The following IFNA21 variants were observed in gnomAD, a reference collection of about 807,000 sequenced individuals.
The protein encoded by IFNA21 is interferon alpha 21.
For synonymous variants in IFNA21, 101 were observed against 82.9 expected (o/e 1.22, Z -1.19); for missense variants, 272 against 212.7 (o/e 1.28, Z -1.73).
rs1226138764 is a variant in IFNA21, at chr9:21,166,172, G to T, written c.441C>A (p.Phe147Leu). The change falls in exon 1 of 1, where the codon TTC becomes TTA. Residue 147 changes from phenylalanine (F) to leucine (L), a missense_variant. Phe to Leu is a conservative substitution (Grantham distance 22, BLOSUM62 0). Coordinates refer to ENST00000380225, the MANE Select transcript of IFNA21 (RefSeq NM_002175.2). ...CTGTCAGATAAAGAGTGATTCTTTG[G>T]AAGTATTTCTTCACAGCCAGGATGG... The part of the protein sequence containing the change: ...VDSILAVKKY[F>L]QRITLYLTEK... The T allele has an allele frequency of 6.2e-7, 1 of 1,614,042 alleles. No individual in the cohort carries two copies. The highest frequency in any genetic ancestry group is 1.3e-5 in the African/African-American group (1 of 74,916).
At position 21,166,087 on chromosome 9, in the gene IFNA21, A is replaced by G; in HGVS notation, c.526T>C (p.Ser176Pro). The change falls in exon 1 of 1, where the codon TCT (serine) becomes CCT (proline). Residue 176 changes from serine to proline, a missense_variant. Transcript: ENST00000380225. ...CTTTCTTGAAAAATTTTTGATAAAG[A>G]GAAGGATCTCATGATTTCTGCTCTG... ...VVRAEIMRSF[S>P]LSKIFQERLR... 6.2e-7 allele frequency: 1 copy of G among 1,614,042 alleles called. No individual in the cohort carries two copies. Among genetic ancestry groups the G allele is most frequent in the Non-Finnish European group, 8.5e-7 (1 of 1,179,982 alleles).
chr9:21,166,291 A>G lies in IFNA21; in HGVS notation c.322T>C (p.Phe108Leu), dbSNP rs765509390. The change falls in exon 1 of 1, where the codon TTT becomes CTT. Residue 108 changes from phenylalanine to leucine, a missense_variant. Transcript: ENST00000380225. ...ATWEQSLLEKFSTELNQQLND... is the reference protein window; with the variant it reads ...ATWEQSLLEKLSTELNQQLND... Reference sequence around the variant, plus strand: ...AGCTGCTGGTTAAGTTCAGTGGAAAATTTTTCTAGGAGGCTCTGTTCCCAA... The same window carrying G: ...AGCTGCTGGTTAAGTTCAGTGGAAAGTTTTTCTAGGAGGCTCTGTTCCCAA... 4 of 1,613,760 alleles carry G rather than the reference A, an allele frequency of 2.5e-6. No homozygotes were observed. The Admixed American group carries it at 6.7e-5, about 27-fold the overall frequency.
rs780489423 is a variant in IFNA21, at chr9:21,166,014, T to C, written c.*29A>G. 6.2e-7 allele frequency: 1 copy of C among 1,607,476 alleles called. No individual in the cohort carries two copies. The highest frequency in any genetic ancestry group is 8.5e-7 in the Non-Finnish European group (1 of 1,176,026). ...AAGTGTGGACTGGTGTATTAGTCAA[T>C]ACAGATCATTTCCATGTTGAAACAG... On this transcript the variant is annotated 3_prime_UTR_variant, in exon 1 of 1. Coordinates refer to ENST00000380225, the MANE Select transcript of IFNA21 (RefSeq NM_002175.2).
chr9:21,166,032 T>A lies in IFNA21; in HGVS notation c.*11A>T. The A allele has an allele frequency of 6.2e-7, 1 of 1,611,956 alleles. No individual in the cohort carries two copies. The highest frequency in any genetic ancestry group is 8.5e-7 in the Non-Finnish European group (1 of 1,178,828). On this transcript the variant is annotated 3_prime_UTR_variant, in exon 1 of 1. Transcript: ENST00000380225. ...TAGTCAATACAGATCATTTCCATGT[T>A]GAAACAGGTTTCATTCCTTCCTCCT...
Position 21,166,224 on chromosome 9 carries a change from T to G in IFNA21, c.389A>C (p.Glu130Ala), listed in dbSNP as rs1233930848. 6.2e-7 allele frequency: 1 copy of G among 1,614,178 alleles called. No individual in the cohort carries two copies. Among genetic ancestry groups the G allele is most frequent in the East Asian group, 2.2e-5 (1 of 44,890 alleles). Residue 130 changes from glutamate (E) to alanine (A), a missense_variant, in exon 1 of 1, where the codon GAA becomes GCA. By Grantham distance (107) the Glu-to-Ala change is moderately radical (BLOSUM62 -1). Transcript: ENST00000380225. Reference sequence around the variant, plus strand: ...GTCCACATTCATCAGGGGAGTCTCTTCCACCCCAACCTCCTGTATCACGCA... The same window carrying G: ...GTCCACATTCATCAGGGGAGTCTCTGCCACCCCAACCTCCTGTATCACGCA... ...EACVIQEVGV[E>A]ETPLMNVDSI...
rs745752195 is a variant in IFNA21, at chr9:21,165,906, C to T, written c.*137G>A. 3.2e-4 allele frequency: 358 copies of T among 1,136,014 alleles called. 1 individual carries two copies. Among genetic ancestry groups the T allele is most frequent in the Middle Eastern group, 2.5e-3 (12 of 4,776 alleles). 70.4% of individuals were successfully genotyped at this position (1,136,014 alleles called of 1,614,324 possible). A position where few individuals can be genotyped will look rare whatever the true frequency, so the allele number is the denominator to read the frequency against. On this transcript the variant is annotated 3_prime_UTR_variant, in exon 1 of 1. Coordinates refer to ENST00000380225, the MANE Select transcript of IFNA21 (RefSeq NM_002175.2). ...CAGGTAAACATGATGTTTCCTTACA[C>T]TCCTGAAAAGATCTGAAAATTTTGA...
At position 21,166,261 on chromosome 9, in the gene IFNA21, C is replaced by T; in HGVS notation, c.352G>A (p.Asp118Asn). The part of the protein sequence containing the change: ...FSTELNQQLN[D>N]LEACVIQEVG... ...TCCTGTATCACGCAGGCTTCCAGGT[C>T]ATTCAGCTGCTGGTTAAGTTCAGTG... The change falls in exon 1 of 1, where the codon GAC (aspartate) becomes AAC (asparagine). Residue 118 changes from aspartate (D) to asparagine (N), a missense_variant. By Grantham distance (23) the Asp-to-Asn change is conservative. Coordinates refer to ENST00000380225, the MANE Select transcript of IFNA21 (RefSeq NM_002175.2). The T allele has an allele frequency of 1.2e-6, 2 of 1,614,140 alleles. No individual in the cohort carries two copies. Among genetic ancestry groups the T allele is most frequent in the Non-Finnish European group, 1.7e-6 (2 of 1,180,000 alleles).
At position 21,166,233 on chromosome 9, in the gene IFNA21, A is replaced by C. The variant is rs61738020; in HGVS notation, c.380T>G (p.Val127Gly). 19 of 1,614,010 alleles carry C rather than the reference A, an allele frequency of 1.2e-5. No individual in the cohort carries two copies. The Admixed American group carries it at 3.2e-4, about 27-fold the overall frequency. ...NDLEACVIQE[V>G]GVEETPLMNV... The stretch of plus-strand genomic sequence containing the variant: ...CATCAGGGGAGTCTCTTCCACCCCA[A>C]CCTCCTGTATCACGCAGGCTTCCAG... Residue 127 changes from valine to glycine, a missense_variant, in exon 1 of 1, where the codon GTT (valine) becomes GGT (glycine). Transcript: ENST00000380225.
Position 21,166,585 on chromosome 9 carries a change from C to A in IFNA21, c.28G>T (p.Ala10Ser). The change falls in exon 1 of 1, where the codon GCC (alanine) becomes TCC (serine). Residue 10 changes from alanine to serine, a missense_variant. Ala to Ser is a moderately conservative substitution (Grantham distance 99, BLOSUM62 1). Transcript: ENST00000380225. ...GATTTGTAGCTGAGCACCAGCACGGCCATCAGTAAAGAAAAGGACAGGGCC... is the reference window on the plus strand; with the variant it reads ...GATTTGTAGCTGAGCACCAGCACGGACATCAGTAAAGAAAAGGACAGGGCC... MALSFSLLMAVLVLSYKSIC... is the reference protein window; with the variant it reads MALSFSLLMSVLVLSYKSIC... The A allele has an allele frequency of 6.2e-7, 1 of 1,613,518 alleles. No homozygotes were observed.
rs770912916 is a variant in IFNA21 at position 21,166,197 on chromosome 9, G to C, written c.416C>G (p.Ser139Cys). 1 of 1,614,176 alleles carries C rather than the reference G, an allele frequency of 6.2e-7. No individual in the cohort carries two copies. Reference protein sequence around the residue: ...VEETPLMNVDSILAVKKYFQR... With the variant: ...VEETPLMNVDCILAVKKYFQR... ...GAAGTATTTCTTCACAGCCAGGATGGAGTCCACATTCATCAGGGGAGTCTC... is the reference window on the plus strand; with the variant it reads ...GAAGTATTTCTTCACAGCCAGGATGCAGTCCACATTCATCAGGGGAGTCTC... The change falls in exon 1 of 1, where the codon TCC becomes TGC. Residue 139 changes from serine (S) to cysteine (C), a missense_variant. Coordinates refer to ENST00000380225, the MANE Select transcript of IFNA21 (RefSeq NM_002175.2).
chr9:21,166,417 A>C lies in IFNA21; in HGVS notation c.196T>G (p.Phe66Val). The C allele has an allele frequency of 6.2e-7, 1 of 1,614,028 alleles. No individual in the cohort carries two copies. The highest frequency in any genetic ancestry group is 8.5e-7 in the Non-Finnish European group (1 of 1,179,994). The change falls in exon 1 of 1, where the codon TTT (phenylalanine) becomes GTT (valine). Residue 66 changes from phenylalanine (F) to valine (V), a missense_variant. Phe to Val is a conservative substitution (Grantham distance 50). Transcript: ENST00000380225. ...RHDFGFPQEE[F>V]DGNQFQKAQA... ...GCCTTCTGGAACTGGTTGCCATCAA[A>C]CTCCTCCTGGGGGAATCCAAAGTCA...
chr9:21,166,163 G>C lies in IFNA21; in HGVS notation c.450C>G (p.Ile150Met). 1.2e-6 allele frequency: 2 copies of C among 1,614,178 alleles called. No individual in the cohort carries two copies. Among genetic ancestry groups the C allele is most frequent in the Non-Finnish European group, 1.7e-6 (2 of 1,180,026 alleles). ...ATTTCTTCTCTGTCAGATAAAGAGT[G>C]ATTCTTTGGAAGTATTTCTTCACAG... ...ILAVKKYFQR[I>M]TLYLTEKKYS... Residue 150 changes from isoleucine (I) to methionine (M), a missense_variant, in exon 1 of 1, where the codon ATC becomes ATG. Physicochemically the swap from Ile to Met is conservative, Grantham distance 10. Coordinates refer to ENST00000380225, the MANE Select transcript of IFNA21 (RefSeq NM_002175.2).
At position 21,166,577 on chromosome 9, in the gene IFNA21, C is replaced by G. The variant is rs145705371; in HGVS notation, c.36G>C (p.Leu12=). Residue 12 remains leucine (L), a synonymous_variant, in exon 1 of 1, where the codon CTG becomes CTC. Coordinates refer to ENST00000380225, the MANE Select transcript of IFNA21 (RefSeq NM_002175.2). The part of the protein sequence containing the change: ...ALSFSLLMAV[L]VLSYKSICSL... ...AACAGATGGATTTGTAGCTGAGCAC[C>G]AGCACGGCCATCAGTAAAGAAAAGG... 2,441 of 1,613,862 alleles carry G rather than the reference C, an allele frequency of 1.5e-3. 4 individuals are homozygous for G. The highest frequency in any genetic ancestry group is 1.9e-3 in the Non-Finnish European group (2,266 of 1,179,862).
chr9:21,166,315 A>G lies in IFNA21; in HGVS notation c.298T>C (p.Trp100Arg). The change falls in exon 1 of 1, where the codon TGG (tryptophan) becomes CGG (arginine). Residue 100 changes from tryptophan (W) to arginine (R), a missense_variant. By Grantham distance (101) the Trp-to-Arg change is moderately radical. Coordinates refer to ENST00000380225, the MANE Select transcript of IFNA21 (RefSeq NM_002175.2). ...AATTTTTCTAGGAGGCTCTGTTCCC[A>G]AGTAGCAGATGAGTCCTTTGTGCTG... The part of the protein sequence containing the change: ...LFSTKDSSAT[W>R]EQSLLEKFST... 1.9e-6 allele frequency: 3 copies of G among 1,614,086 alleles called. No homozygotes were observed. Among genetic ancestry groups the G allele is most frequent in the African/African-American group, 2.7e-5 (2 of 75,024 alleles).
In IFNA21 at chr9:21,166,351, A is replaced by C; in HGVS notation, c.262T>G (p.Phe88Val). 6.2e-7 allele frequency: 1 copy of C among 1,614,118 alleles called. No homozygotes were observed. Among genetic ancestry groups the C allele is most frequent in the Non-Finnish European group, 8.5e-7 (1 of 1,180,004 alleles). The part of the protein sequence containing the change: ...SVLHEMIQQT[F>V]NLFSTKDSSA... ...GAGTCCTTTGTGCTGAAGAGATTGA[A>C]GGTCTGCTGGATCATCTCATGGAGG... The change falls in exon 1 of 1, where the codon TTC becomes GTC. Residue 88 changes from phenylalanine to valine, a missense_variant. By Grantham distance (50) the Phe-to-Val change is conservative. Transcript: ENST00000380225.
At position 21,166,256 on chromosome 9, in the gene IFNA21, C is replaced by T; in HGVS notation, c.357G>A (p.Leu119=). The part of the protein sequence containing the change: ...STELNQQLND[L]EACVIQEVGV... ...CAACCTCCTGTATCACGCAGGCTTC[C>T]AGGTCATTCAGCTGCTGGTTAAGTT... Residue 119 remains leucine, a synonymous_variant, in exon 1 of 1, where the codon CTG becomes CTA. Transcript: ENST00000380225. The T allele has an allele frequency of 6.2e-7, 1 of 1,614,122 alleles. No individual in the cohort carries two copies. Among genetic ancestry groups the T allele is most frequent in the East Asian group, 2.2e-5 (1 of 44,878 alleles).
At position 21,165,938 on chromosome 9, in the gene IFNA21, T is replaced by A; in HGVS notation, c.*105A>T. ...AAAGATCTGAAAATTTTGATTCAACTCATGCGGTGGTTATAGGAGAAATGA... is the reference window on the plus strand; with the variant it reads ...AAAGATCTGAAAATTTTGATTCAACACATGCGGTGGTTATAGGAGAAATGA... On this transcript the variant is annotated 3_prime_UTR_variant, in exon 1 of 1. Transcript: ENST00000380225. The A allele has an allele frequency of 7.1e-7, 1 of 1,411,750 alleles. No individual in the cohort carries two copies. The highest frequency in any genetic ancestry group is 1.4e-5 in the South Asian group (1 of 70,962). 87.5% of individuals were successfully genotyped at this position (1,411,750 alleles called of 1,614,324 possible).
In IFNA21 at chr9:21,166,472, G is replaced by C. The variant is rs551245471; in HGVS notation, c.141C>G (p.Ile47Met). 6.2e-7 allele frequency: 1 copy of C among 1,614,146 alleles called. No individual in the cohort carries two copies. The highest frequency in any genetic ancestry group is 8.5e-7 in the Non-Finnish European group (1 of 1,180,022). Residue 47 changes from isoleucine to methionine, a missense_variant, in exon 1 of 1, where the codon ATC becomes ATG. By Grantham distance (10) the Ile-to-Met change is conservative. Transcript: ENST00000380225. ...TGTCCTTCAGGCAGGAGAAAGGAGA[G>C]ATTCTTCCCATTTGTGCCAGGAGTA... ...ALILLAQMGR[I>M]SPFSCLKDRH...
In IFNA21 at chr9:21,166,071, A is replaced by C; in HGVS notation, c.542T>G (p.Phe181Cys). Reference sequence around the variant, plus strand: ...TTCCTTCCTCCTTAATCTTTCTTGAAAAATTTTTGATAAAGAGAAGGATCT... The same window carrying C: ...TTCCTTCCTCCTTAATCTTTCTTGACAAATTTTTGATAAAGAGAAGGATCT... ...IMRSFSLSKI[F>C]QERLRRKE Residue 181 changes from phenylalanine (F) to cysteine (C), a missense_variant, in exon 1 of 1, where the codon TTT (phenylalanine) becomes TGT (cysteine). Coordinates refer to ENST00000380225, the MANE Select transcript of IFNA21 (RefSeq NM_002175.2). 6.2e-7 allele frequency: 1 copy of C among 1,613,968 alleles called. No homozygotes were observed. The highest frequency in any genetic ancestry group is 1.3e-5 in the African/African-American group (1 of 74,996).
Sources: gnomAD v4.1 joint callset for allele counts on GRCh38, gnomAD v4.1.1 for gene constraint, MANE v1.5 for transcripts, NCBI Gene and HGNC (gene_info 2026-07-23, HGNC 2026-07-21) for gene names.